The following TAFA1 variants were observed in gnomAD, a reference collection of about 807,000 sequenced individuals.
TAFA1 encodes chemokine-like protein TAFA-1.
A neutral mutation model predicts 18.5 loss-of-function variants in TAFA1; 4 were observed. The observed-to-expected ratio is 0.22, with a 90% CI of 0.11 to 0.49. The LOEUF is 0.49. TAFA1 is among the 20% of genes least tolerant of loss of function. The pLI is 0.98. For synonymous variants in TAFA1, 56 were observed against 55.2 expected, an observed-to-expected ratio of 1.01 and a Z score of -0.06; for missense variants, 147 against 169.0, an observed-to-expected ratio of 0.87 and a Z score of 0.72.
rs569066973 is a variant in TAFA1, at chr3:68,184,635, G to A, written c.118+177891G>A. ...TAGCTCCAATATATACTGGGAACAC[G>A]AAAGCTCCCATTTGCTAACAAAAAC... On this transcript the variant is annotated intron_variant, in intron 2 of 4. Coordinates refer to ENST00000478136, the MANE Select transcript of TAFA1 (RefSeq NM_213609.4). 2.0e-5 allele frequency among the ~76,000 whole-genome samples: 3 copies of A among 152,146 alleles called. No individual in the cohort carries two copies. In the South Asian group the frequency reaches 6.2e-4, roughly 32 times the overall value.
chr3:68,024,785 C>T (rs1704776727), intron 2 of TAFA1, among the ~76,000 whole-genome samples: 1 of 143,484 alleles, frequency 7.0e-6, no homozygotes, highest in African/African-American at 2.6e-5. Context: ...TTAAAGGACT[C>T]TCTAGACCAT....
At chr3:68,420,717 A>G (rs1368913385) in intron 3 of TAFA1, among the ~76,000 whole-genome samples, 1 of 152,108 alleles carries the variant, frequency 6.6e-6, no homozygotes, top group Non-Finnish European at 1.5e-5. Flanking sequence ...ACATCCTGCA[A>G]TGCCCAGGAC....
intron 2 of TAFA1, among the ~76,000 whole-genome samples, chr3:68,074,123 G>A (rs371902430): frequency 2.6e-5 from 4 of 152,088 alleles, no homozygotes; most frequent in African/African-American, 7.2e-5. Flanking sequence ...ATTCTCATAC[G>A]GATTGCACAA....
rs1157754509 is a variant in TAFA1, at chr3:68,476,192, T to G, written c.259+58772T>G. ...ATAGGATCTAATTAAACTAAAGAGC[T>G]TCTGCACAGCAAAAGAAACTACCAT... On this transcript the variant is annotated intron_variant, in intron 3 of 4. Transcript: ENST00000478136. Among the ~76,000 whole-genome samples, 17 of 152,300 alleles carry G rather than the reference T, an allele frequency of 1.1e-4. No homozygotes were observed. In the East Asian group the frequency reaches 3.1e-3, roughly 28 times the overall value.
intron 3 of TAFA1, among the ~76,000 whole-genome samples, chr3:68,480,411 T>A (rs534029978): frequency 6.6e-6 from 1 of 151,040 alleles, no homozygotes; most frequent in African/African-American, 2.4e-5. Context: ...TCAAAAAACA[T>A]AAAAAAAAGA....
chr3:68,127,376 C>T (rs918390396), intron 2 of TAFA1, among the ~76,000 whole-genome samples: 11 of 152,124 alleles, frequency 7.2e-5, no homozygotes, highest in Non-Finnish European at 7.4e-5. Context: ...AATGACTCAA[C>T]CTTGCTGCCA....
intron 3 of TAFA1, among the ~76,000 whole-genome samples, chr3:68,447,968 G>A (rs762054435): frequency 4.6e-5 from 7 of 152,158 alleles, no homozygotes; most frequent in Non-Finnish European, 7.3e-5. Flanking sequence ...GAGAAATAAA[G>A]CACCAAGGTT....
intron 3 of TAFA1, among the ~76,000 whole-genome samples, chr3:68,440,968 C>A (rs927325739): frequency 5.3e-5 from 8 of 152,106 alleles, no homozygotes; most frequent in Non-Finnish European, 1.0e-4. Context: ...CCCTCTGGAA[C>A]TATATCTGAC....
At chr3:68,429,655 C>T (rs1459748675) in intron 3 of TAFA1, among the ~76,000 whole-genome samples, 1 of 151,938 alleles carries the variant, frequency 6.6e-6, no homozygotes, top group Non-Finnish European at 1.5e-5. Flanking sequence ...ATTCCAAATT[C>T]ATCCATTTCT....
intron 2 of TAFA1, among the ~76,000 whole-genome samples, chr3:68,077,917 C>T (rs1376160625): frequency 5.3e-5 from 8 of 152,056 alleles, no homozygotes; most frequent in Admixed American, 1.3e-4. Flanking sequence ...GACACTTTCA[C>T]GATATTGATT....
At chr3:67,996,784 A>C in the TAFA1 span, among the ~76,000 whole-genome samples, 1 of 140,832 alleles carries the variant, frequency 7.1e-6, no homozygotes, top group Admixed American at 7.5e-5. Flanking sequence ...ACAGAGCAAA[A>C]CTCCACCTCA....
At chr3:68,528,089 C>A (rs531317799) in intron 3 of TAFA1, among the ~76,000 whole-genome samples, 2 of 152,216 alleles carry the variant, frequency 1.3e-5, no homozygotes, top group Non-Finnish European at 2.9e-5. Context: ...TATAATCTTG[C>A]ATTAAAGATA....
rs537564654 is a variant in TAFA1 at position 68,435,969 on chromosome 3, T to C, written c.259+18549T>C. On this transcript the variant is annotated intron_variant, in intron 3 of 4. Coordinates refer to ENST00000478136, the MANE Select transcript of TAFA1 (RefSeq NM_213609.4). Reference sequence around the variant, plus strand: ...TGGCCACACCCCTAGATATTTTTACTTGATTGAGCTGAAGCAGGGTCTAGA... The same window carrying C: ...TGGCCACACCCCTAGATATTTTTACCTGATTGAGCTGAAGCAGGGTCTAGA... Among the ~76,000 whole-genome samples, 7 of 152,278 alleles carry C rather than the reference T, an allele frequency of 4.6e-5. No individual in the cohort carries two copies. The East Asian group carries it at 1.4e-3, about 29-fold the overall frequency.
At chr3:68,068,652 T>C (rs1472087996) in intron 2 of TAFA1, among the ~76,000 whole-genome samples, 3 of 152,202 alleles carry the variant, frequency 2.0e-5, no homozygotes, top group African/African-American at 7.2e-5. Context: ...AAACTTCTTA[T>C]TTCCTTCAAA....
At chr3:68,242,818 G>A (rs776667190) in intron 2 of TAFA1, among the ~76,000 whole-genome samples, 3 of 151,246 alleles carry the variant, frequency 2.0e-5, no homozygotes, top group Non-Finnish European at 1.5e-5. Context: ...GATGTGAGAC[G>A]TGTGTGTGTG....
At chr3:68,470,935 C>T (rs755824034) in intron 3 of TAFA1, among the ~76,000 whole-genome samples, 5 of 152,170 alleles carry the variant, frequency 3.3e-5, no homozygotes, top group African/African-American at 1.2e-4. Context: ...CCTACCACCA[C>T]AGACCTGGAA....
At chr3:68,226,644 A>G in intron 2 of TAFA1, among the ~76,000 whole-genome samples, 1 of 152,196 alleles carries the variant, frequency 6.6e-6, no homozygotes, top group Non-Finnish European at 1.5e-5. Flanking sequence ...ATTGTGTAAC[A>G]CATTTTACAA....
intron 2 of TAFA1, among the ~76,000 whole-genome samples, chr3:68,245,462 T>C (rs2067060133): frequency 6.6e-6 from 1 of 152,220 alleles, no homozygotes; most frequent in Non-Finnish European, 1.5e-5. Context: ...TGTTACACCC[T>C]CAATTTACAT....
At chr3:68,155,072 C>G (rs1174540665) in intron 2 of TAFA1, among the ~76,000 whole-genome samples, 1 of 152,166 alleles carries the variant, frequency 6.6e-6, no homozygotes, top group African/African-American at 2.4e-5. Flanking sequence ...ATTAACAAAC[C>G]AATCCTATGA....
Sources: gnomAD v4.1 joint callset for allele counts (sites outside exome capture counted in the v4.1 genomes callset) on GRCh38, gnomAD v4.1.1 for gene constraint, MANE v1.5 for transcripts, NCBI Gene and HGNC (gene_info 2026-07-23, HGNC 2026-07-21) for gene names.